The following CRACR2A variants were observed in gnomAD, a reference collection of about 807,000 sequenced individuals.
CRACR2A encodes the protein calcium release activated channel regulator 2A, also known as EF-hand calcium-binding domain-containing protein 4B.
CRACR2A carries 79 observed loss-of-function variants against 90.5 expected under a neutral mutation model. The ratio of observed to expected loss-of-function variants is 0.87; its 90% CI spans 0.73 to 1.05. The LOEUF (loss-of-function observed/expected upper bound fraction) is 1.05. CRACR2A is among the 50% of genes least tolerant of loss of function. The probability of loss-of-function intolerance (pLI) is 0.00; values close to 1 mark genes in which losing one functional copy is unlikely to be tolerated. For synonymous variants in CRACR2A, 338 were observed against 356.7 expected (o/e 0.95, Z 0.59); for missense variants, 823 against 897.2 (o/e 0.92, Z 1.06).
chr12:3,659,521 G>A (rs1366891890), intron 8 of CRACR2A, 43 bp downstream of exon 8: 1 of 1,574,254 alleles, frequency 6.4e-7, no homozygotes, highest in Non-Finnish European at 8.7e-7. Context: ...GAGCAGATAT[G>A]TCAAGCTGGC....
intron 7 of CRACR2A, among the ~76,000 whole-genome samples, chr12:3,660,929 C>A (rs539996656): frequency 1.3e-5 from 2 of 151,722 alleles, no homozygotes; most frequent in South Asian, 4.2e-4. Flanking sequence ...ATGGCAAGCC[C>A]ACTGTGCCCT....
intron 10 of CRACR2A, among the ~76,000 whole-genome samples, chr12:3,649,358 G>A (rs1439234488): frequency 6.6e-6 from 1 of 152,152 alleles, no homozygotes; most frequent in African/African-American, 2.4e-5. Flanking sequence ...ATCTTGAAGG[G>A]TGAGAGCAGA....
chr12:3,640,970 T>A (rs938592096), intron 13 of CRACR2A, among the ~76,000 whole-genome samples: 11 of 152,240 alleles, frequency 7.2e-5, no homozygotes, highest in Non-Finnish European at 1.6e-4. Context: ...CCTAGCCTTG[T>A]CTGTAAAAGG....
chr12:3,745,294 C>A (rs964494435), intron 1 of CRACR2A, among the ~76,000 whole-genome samples: 8 of 152,158 alleles, frequency 5.3e-5, no homozygotes, highest in Non-Finnish European at 1.0e-4. Flanking sequence ...CTGATGGTAT[C>A]TCCCCAATGG....
At chr12:3,638,083 T>C (rs2137354665) in intron 14 of CRACR2A, 41 bp downstream of exon 14, 1 of 1,495,770 alleles carries the variant, frequency 6.7e-7, no homozygotes, top group Non-Finnish European at 9.0e-7. Flanking sequence ...AGACAGATCA[T>C]AGAAGTGATG....
At chr12:3,735,713 T>C (rs968504095) in intron 1 of CRACR2A, among the ~76,000 whole-genome samples, 1 of 152,160 alleles carries the variant, frequency 6.6e-6, no homozygotes, top group African/African-American at 2.4e-5. Context: ...TCACATGCTT[T>C]ATAGGCTACA....
chr12:3,724,818 T>C (rs544149528), intron 2 of CRACR2A, among the ~76,000 whole-genome samples: 2 of 152,208 alleles, frequency 1.3e-5, no homozygotes, highest in African/African-American at 4.8e-5. Flanking sequence ...GAACACTAAG[T>C]GTTCAGACAT....
chr12:3,745,809 ATAAAATAAAAT>A (rs1239038375), intron 1 of CRACR2A, among the ~76,000 whole-genome samples: 1 of 4,592 alleles, frequency 2.2e-4, no homozygotes, highest in Non-Finnish European at 5.3e-4. Context: ...ATAAAATAAA[ATAAAATAAAAT>A]AAAATAAAGA....
intron 11 of CRACR2A, chr12:3,647,886 C>T: frequency 3.0e-6 from 3 of 985,414 alleles, no homozygotes; most frequent in Non-Finnish European, 3.6e-6. Flanking sequence ...TCAAAAATTC[C>T]ATCTTTCCCC....
At position 3,679,008 on chromosome 12, in the gene CRACR2A, C is replaced by A. The variant is rs745578472; in HGVS notation, c.431G>T (p.Arg144Ile). 1 of 1,614,164 alleles carries A rather than the reference C, an allele frequency of 6.2e-7. No individual in the cohort carries two copies. Among genetic ancestry groups the A allele is most frequent in the East Asian group, 2.2e-5 (1 of 44,878 alleles). Residue 144 changes from arginine to isoleucine, a missense_variant, in exon 6 of 20, where the codon AGA (arginine) becomes ATA (isoleucine). Physicochemically the swap from Arg to Ile is moderately conservative, Grantham distance 97. Coordinates refer to ENST00000440314, the MANE Select transcript of CRACR2A (RefSeq NM_001144958.2). ...QRHEEKVYLSRGDEDLGDMGE... is the reference protein window; with the variant it reads ...QRHEEKVYLSIGDEDLGDMGE... Reference sequence around the variant, plus strand: ...CATGTCGCCCAGATCCTCATCCCCTCTGGACAGATACACCTTCTCTTCATG... The same window carrying A: ...CATGTCGCCCAGATCCTCATCCCCTATGGACAGATACACCTTCTCTTCATG...
chr12:3,695,408 T>A (rs1436867951), intron 4 of CRACR2A, among the ~76,000 whole-genome samples: 2 of 152,038 alleles, frequency 1.3e-5, no homozygotes, highest in African/African-American at 4.8e-5. Flanking sequence ...GAAGGGTAGG[T>A]TGGGCTCAAT....
At chr12:3,646,805 C>A (rs1303918506) in intron 11 of CRACR2A, among the ~76,000 whole-genome samples, 1 of 152,194 alleles carries the variant, frequency 6.6e-6, no homozygotes, top group Non-Finnish European at 1.5e-5. Flanking sequence ...TTGTGGCTTC[C>A]TGCTTTATGG....
intron 2 of CRACR2A, among the ~76,000 whole-genome samples, chr12:3,717,035 A>C (rs557957135): frequency 6.6e-6 from 1 of 152,298 alleles, no homozygotes; most frequent in South Asian, 2.1e-4. Flanking sequence ...ACAGGACTTT[A>C]GATGGGGAGA....
rs118188638 is a variant in CRACR2A, at chr12:3,657,481, C to T, written c.763-1075G>A. On this transcript the variant is annotated intron_variant, in intron 8 of 19. Transcript: ENST00000440314. ...CCCTCGGGCCAGAGGCCTTTGGACA[C>T]CTCCATTCAAAGGCGCAGGATGCTT... Among the ~76,000 whole-genome samples, 52 of 152,342 alleles carry T rather than the reference C, an allele frequency of 3.4e-4. No individual in the cohort carries two copies. In the East Asian group the frequency reaches 9.5e-3, roughly 28 times the overall value.
chr12:3,676,262 A>G (rs1220900940), intron 6 of CRACR2A, among the ~76,000 whole-genome samples: 2 of 152,174 alleles, frequency 1.3e-5, no homozygotes, highest in African/African-American at 2.4e-5. Context: ...AATGAGTTCC[A>G]TTCCTCCCAG....
chr12:3,641,258 C>T (rs535276043), intron 13 of CRACR2A, among the ~76,000 whole-genome samples: 18 of 152,216 alleles, frequency 1.2e-4, no homozygotes, highest in South Asian at 4.1e-4. Flanking sequence ...GCAGGAGAAT[C>T]GCTTGAACCT....
intron 15 of CRACR2A, among the ~76,000 whole-genome samples, chr12:3,629,389 A>G: frequency 6.6e-6 from 1 of 151,830 alleles, no homozygotes; most frequent in East Asian, 1.9e-4. Context: ...GGTGAATCCA[A>G]GGGTGAGTTT....
At chr12:3,725,308 G>A (rs241979) in intron 2 of CRACR2A, among the ~76,000 whole-genome samples, 39,147 of 151,936 alleles carry the variant, frequency 0.26, 5,141 homozygotes, top group Admixed American at 0.33. Flanking sequence ...TGACTGCGGC[G>A]CTGTGTCCCC....
intron 4 of CRACR2A, 22 bp from the exon 5 acceptor site, chr12:3,680,371 C>A: frequency 6.3e-7 from 1 of 1,587,800 alleles, no homozygotes; most frequent in Non-Finnish European, 8.6e-7. Context: ...CCAGAGTGTA[C>A]TGGTTAACAC....
Sources: gnomAD v4.1 joint callset for allele counts (sites outside exome capture counted in the v4.1 genomes callset) on GRCh38, gnomAD v4.1.1 for gene constraint, MANE v1.5 for transcripts, NCBI Gene and HGNC (gene_info 2026-07-23, HGNC 2026-07-21) for gene names.